EPRS1: variants seen among roughly 807,000 people sequenced by gnomAD.
EPRS1 encodes glutamyl-prolyl-tRNA synthetase 1.
EPRS1 carries 107 observed loss-of-function variants against 188.3 expected under a neutral mutation model. The ratio of observed to expected loss-of-function variants is 0.57; its 90% CI spans 0.49 to 0.67. The LOEUF (loss-of-function observed/expected upper bound fraction) is 0.67, where lower values mean the gene tolerates loss of function less well. EPRS1 is among the 30% of genes least tolerant of loss of function. The pLI, the probability that EPRS1 is intolerant of heterozygous loss-of-function variation, is 0.00. For synonymous variants in EPRS1, 596 were observed against 593.1 expected (o/e 1.00, Z -0.07); for missense variants, 1,577 against 1,802.2 (o/e 0.88, Z 2.26).
At chr1:220,032,241 AT>A (rs57738676) in intron 5 of EPRS1, 145 bp downstream of exon 5, 33,442 of 406,936 alleles carry the variant, frequency 0.082, 162 homozygotes, top group East Asian at 0.13. Context: ...CGCCCGGCTA[AT>A]TTTTTTTTTT....
chr1:219,983,275 C>T lies in EPRS1; in HGVS notation c.3214G>A (p.Gly1072Ser), dbSNP rs764355492. 1 of 1,614,042 alleles carries T rather than the reference C, an allele frequency of 6.2e-7. No individual in the cohort carries two copies. The highest frequency in any genetic ancestry group is 1.1e-5 in the South Asian group (1 of 91,082). ...DFFDAEIKKL[G>S]VENCYFPMFV... ...ATGGGGAAGTAGCAGTTTTCAACAC[C>T]AAGTTTCTTGATCTCAGCATCAAAA... Residue 1072 changes from glycine to serine, a missense_variant, in exon 22 of 32, where the codon GGT becomes AGT. Gly to Ser is a moderately conservative substitution (Grantham distance 56). Transcript: ENST00000366923.
chr1:220,028,466 C>G (rs1381369451), intron 6 of EPRS1, among the ~76,000 whole-genome samples: 1 of 31,050 alleles, frequency 3.2e-5, no homozygotes, highest in Admixed American at 3.6e-4. Context: ...CACACACACG[C>G]GCACACACAC....
intron 2 of EPRS1, among the ~76,000 whole-genome samples, chr1:220,036,142 G>A (rs1396081083): frequency 2.0e-5 from 3 of 152,230 alleles, no homozygotes; most frequent in African/African-American, 7.2e-5. Context: ...GGAGGTTGCA[G>A]TGAGCCAAGA....
intron 30 of EPRS1, among the ~76,000 whole-genome samples, chr1:219,970,777 C>CAAA (rs35656997): frequency 0.46 from 59,747 of 130,402 alleles, 13,153 homozygotes; most frequent in South Asian, 0.51. Flanking sequence ...GACCCTGTAC[C>CAAA]AAAAAAAAAA....
intron 16 of EPRS1, among the ~76,000 whole-genome samples, chr1:220,003,098 A>C (rs1199454843): frequency 6.6e-6 from 1 of 152,194 alleles, no homozygotes; most frequent in Non-Finnish European, 1.5e-5. Context: ...CCCTACCAGC[A>C]ATACATATGG....
intron 9 of EPRS1, 82 bp from the exon 10 acceptor site, chr1:220,020,303 T>C (rs1661845418): frequency 2.4e-6 from 2 of 846,786 alleles, no homozygotes; most frequent in African/African-American, 3.5e-5. Context: ...AATACTAATT[T>C]AAAATGTAAT....
chr1:220,012,445 C>T (rs1304978263), intron 12 of EPRS1, among the ~76,000 whole-genome samples: 1 of 152,158 alleles, frequency 6.6e-6, no homozygotes, highest in African/African-American at 2.4e-5. Context: ...CAGGATGTTT[C>T]CTATACTTGA....
chr1:220,044,704 A>G (rs929306430), intron 1 of EPRS1, among the ~76,000 whole-genome samples: 1 of 144,548 alleles, frequency 6.9e-6, no homozygotes, highest in Non-Finnish European at 1.5e-5. Flanking sequence ...AAAAAAAAAA[A>G]AAAAAAAAAC....
At chr1:220,019,773 T>C (rs1329457754) in intron 10 of EPRS1, among the ~76,000 whole-genome samples, 1 of 152,164 alleles carries the variant, frequency 6.6e-6, no homozygotes, top group African/African-American at 2.4e-5. Flanking sequence ...TGTTTTTCAT[T>C]CCATGATCCC....
At chr1:219,980,734 T>C (rs1404372762) in intron 25 of EPRS1, 22 bp downstream of exon 25, 14 of 1,516,076 alleles carry the variant, frequency 9.2e-6, no homozygotes, top group Non-Finnish European at 1.8e-6. Flanking sequence ...ACATAGTTAA[T>C]ATGGAAAATA....
At chr1:220,043,933 C>G (rs1401459037) in intron 1 of EPRS1, among the ~76,000 whole-genome samples, 1 of 152,056 alleles carries the variant, frequency 6.6e-6, no homozygotes, top group Admixed American at 6.6e-5. Flanking sequence ...AATGATAGAA[C>G]AAGGATGGGG....
chr1:219,985,107 G>A (rs1660982035), intron 20 of EPRS1, among the ~76,000 whole-genome samples: 1 of 150,842 alleles, frequency 6.6e-6, no homozygotes, highest in Non-Finnish European at 1.5e-5. Flanking sequence ...AAAAAGTTGA[G>A]AGATATTGTC....
chr1:220,012,159 T>C (rs1558054987), intron 12 of EPRS1, among the ~76,000 whole-genome samples: 1 of 152,162 alleles, frequency 6.6e-6, no homozygotes, highest in Non-Finnish European at 1.5e-5. Flanking sequence ...CTAATCCTCA[T>C]CTGCTTATAT....
At position 220,020,806 on chromosome 1, in the gene EPRS1, T is replaced by C. The variant is rs540882307; in HGVS notation, c.1116-585A>G. Among the ~76,000 whole-genome samples the C allele has an allele frequency of 4.0e-3, 547 of 136,694 alleles. 4 individuals are homozygous for C. Among genetic ancestry groups the C allele is most frequent in the Non-Finnish European group, 5.2e-3 (334 of 64,680 alleles). The allele number at this position is 136,694 out of a possible 152,430, so 89.7% of individuals were successfully genotyped here. On this transcript the variant is annotated intron_variant, in intron 9 of 31. Coordinates refer to ENST00000366923, the MANE Select transcript of EPRS1 (RefSeq NM_004446.3). ...ACTAAGATAATGTATACAATTTACATGCAGTATCAATTTGAATTTATATAT... is the reference window on the plus strand; with the variant it reads ...ACTAAGATAATGTATACAATTTACACGCAGTATCAATTTGAATTTATATAT...
intron 28 of EPRS1, 130 bp from the exon 29 acceptor site, chr1:219,973,528 A>ACC: frequency 5.5e-6 from 2 of 366,056 alleles, no homozygotes; most frequent in Non-Finnish European, 4.3e-6. Context: ...AAAAAAAACA[A>ACC]GAGAAAAAAA....
intron 28 of EPRS1, among the ~76,000 whole-genome samples, chr1:219,976,261 G>C (rs1274529808): frequency 6.6e-6 from 1 of 152,188 alleles, no homozygotes; most frequent in Non-Finnish European, 1.5e-5. Flanking sequence ...AAAATGTGCT[G>C]TGTCAAGATC....
Position 220,021,382 on chromosome 1 carries a change from A to C in EPRS1, c.1115+965T>G, listed in dbSNP as rs187089883. On this transcript the variant is annotated intron_variant, in intron 9 of 31. Coordinates refer to ENST00000366923, the MANE Select transcript of EPRS1 (RefSeq NM_004446.3). ...TTTTTTTTTTAATTTATTTTTTGGT[A>C]GAGACAGGTTCTTGCTATGTTTCCC... Among the ~76,000 whole-genome samples, 401 of 151,716 alleles carry C rather than the reference A, an allele frequency of 2.6e-3. 1 individual carries two copies. Among genetic ancestry groups the C allele is most frequent in the African/African-American group, 9.5e-3 (391 of 41,338 alleles).
At chr1:219,988,951 AATC>A in intron 18 of EPRS1, 128 bp from the exon 19 acceptor site, 1 of 608,188 alleles carries the variant, frequency 1.6e-6, no homozygotes, top group South Asian at 2.2e-5. Flanking sequence ...ACCTATGTTA[AATC>A]ATCAGCCTAC....
intron 9 of EPRS1, among the ~76,000 whole-genome samples, chr1:220,020,597 C>T (rs549155518): frequency 4.0e-5 from 6 of 149,692 alleles, no homozygotes; most frequent in East Asian, 3.9e-4. Flanking sequence ...TTTTTTGAGA[C>T]GGAGTCTCAC....
Sources: allele counts gnomAD v4.1 joint callset (sites outside exome capture counted in the v4.1 genomes callset), GRCh38; gene constraint gnomAD v4.1.1; transcripts MANE v1.5; gene names NCBI Gene and HGNC (gene_info 2026-07-23, HGNC 2026-07-21).